Variants in API5 observed in about 807,000 individuals in gnomAD.
API5 encodes FIF.
Under a neutral mutation model 71.9 loss-of-function variants are expected in API5, and 6 were observed. The ratio of observed to expected loss-of-function variants is 0.08; its 90% CI spans 0.05 to 0.16. The LOEUF (loss-of-function observed/expected upper bound fraction) is 0.16. Among genes scored for constraint, API5 ranks in the 10% least tolerant of loss-of-function variants. The pLI is 1.00. For missense variants in API5, 332 were observed against 612.8 expected, an observed-to-expected ratio of 0.54 and a Z score of 4.84; for synonymous variants, 189 against 221.3, an observed-to-expected ratio of 0.85 and a Z score of 1.30.
At chr11:43,329,503 A>G (rs1294729477) in intron 9 of API5, among the ~76,000 whole-genome samples, 1 of 152,222 alleles carries the variant, frequency 6.6e-6, no homozygotes, top group Non-Finnish European at 1.5e-5. Flanking sequence ...TCAGTTGTTA[A>G]GTGATAATAG....
At position 43,330,312 on chromosome 11, in the gene API5, T is replaced by G. The variant is rs940790101; in HGVS notation, c.1222-196T>G. The G allele has an allele frequency of 1.6e-5, 10 of 629,248 alleles. No homozygotes were observed. In the Admixed American group the frequency reaches 2.2e-4, roughly 14 times the overall value. The allele number at this position is 629,248 out of a possible 1,614,324, so 39.0% of individuals were successfully genotyped here. On this transcript the variant is annotated intron_variant, in intron 10 of 13. Coordinates refer to ENST00000531273, the MANE Select transcript of API5 (RefSeq NM_001142930.2). ...TGTCAAGGGAACACAGATTATTTGC[T>G]TTCTTTGCTACATCTAGATTTGTTT...
At chr11:43,318,607 CAT>C (rs758505097) in intron 1 of API5, 31 bp from the exon 2 acceptor site, 8 of 1,605,746 alleles carry the variant, frequency 5.0e-6, no homozygotes, top group Non-Finnish European at 6.0e-6. Context: ...CCTTCAAAAT[CAT>C]GTGTCTTTCC....
At chr11:43,336,805 G>A (rs781529897) in intron 13 of API5, among the ~76,000 whole-genome samples, 5 of 151,610 alleles carry the variant, frequency 3.3e-5, no homozygotes, top group Non-Finnish European at 7.4e-5. Context: ...TCAGGAGGTC[G>A]AGACCATCCT....
intron 1 of API5, among the ~76,000 whole-genome samples, chr11:43,315,460 C>A (rs1236335406): frequency 1.3e-5 from 2 of 151,784 alleles, no homozygotes; most frequent in African/African-American, 4.8e-5. Flanking sequence ...ATTTCTTTTT[C>A]ATAGTTGAAG....
chr11:43,321,543 A>G (rs1427578316), intron 4 of API5, 67 bp downstream of exon 4: 1 of 1,272,620 alleles, frequency 7.9e-7, no homozygotes, highest in Admixed American at 2.0e-5. Flanking sequence ...GGTGTTACTC[A>G]TTAAGAATAA....
chr11:43,316,187 T>C (rs778657871), intron 1 of API5, among the ~76,000 whole-genome samples: 6 of 152,272 alleles, frequency 3.9e-5, no homozygotes, highest in East Asian at 1.9e-4. Context: ...CTCAAAAATA[T>C]GTGGAAATAT....
At chr11:43,324,276 C>A (rs906598215) in intron 6 of API5, among the ~76,000 whole-genome samples, 2 of 152,174 alleles carry the variant, frequency 1.3e-5, no homozygotes, top group Non-Finnish European at 2.9e-5. Context: ...CCTTGGCCTC[C>A]CAAAGTGCTG....
chr11:43,330,022 C>G lies in API5; in HGVS notation c.1185C>G (p.Leu395=), dbSNP rs1434603012. The part of the protein sequence containing the change: ...QVYIRQLRLA[L]QGKTGEALKT... ...ATATCAGACAACTTCGCTTAGCTCT[C>G]CAGGGTAAAACGGGTGAGGCCTTAA... The change falls in exon 10 of 14, where the codon CTC becomes CTG. Residue 395 remains leucine, a synonymous_variant. Transcript: ENST00000531273. 3.7e-6 allele frequency: 6 copies of G among 1,613,764 alleles called. No individual in the cohort carries two copies. The East Asian group carries it at 6.7e-5, about 18-fold the overall frequency.
chr11:43,322,038 G>C lies in API5; in HGVS notation c.445G>C (p.Glu149Gln). The C allele has an allele frequency of 6.2e-7, 1 of 1,613,642 alleles. No individual in the cohort carries two copies. The highest frequency in any genetic ancestry group is 8.5e-7 in the Non-Finnish European group (1 of 1,179,834). The change falls in exon 5 of 14, where the codon GAA becomes CAA. Residue 149 changes from glutamate to glutamine, a missense_variant. Around this residue, in one of 3 missense-constraint regions of API5, gnomAD observed 127 missense variants for 237.6 expected, o/e 0.53. Transcript: ENST00000531273. ...QILQGEDIVR[E>Q]RAIKFLSTKL... ...ACTTCAAGGAGAGGACATTGTTAGA[G>C]AACGAGCAATTAAATTCCTTTCTAC...
chr11:43,323,203 A>G (rs1374074467), intron 5 of API5, among the ~76,000 whole-genome samples: 1 of 152,072 alleles, frequency 6.6e-6, no homozygotes, highest in Non-Finnish European at 1.5e-5. Context: ...CTTTGTACGT[A>G]AAAAAGTAAC....
intron 9 of API5, 81 bp downstream of exon 9, chr11:43,328,974 T>G: frequency 7.0e-7 from 1 of 1,427,652 alleles, no homozygotes; most frequent in Non-Finnish European, 9.7e-7. Flanking sequence ...TTTTGTTCTA[T>G]GAGAGCTCCC....
In API5 at chr11:43,325,901, T is replaced by C. The variant is rs891086840; in HGVS notation, c.751-606T>C. 6.6e-5 allele frequency among the ~76,000 whole-genome samples: 10 copies of C among 152,314 alleles called. No homozygotes were observed. The East Asian group carries it at 9.6e-4, about 15-fold the overall frequency. On this transcript the variant is annotated intron_variant, in intron 6 of 13. Coordinates refer to ENST00000531273, the MANE Select transcript of API5 (RefSeq NM_001142930.2). ...AGGGCTAAAGAATAATGTCTGCTTA[T>C]TATGAGCTTGTTTTGAGAAAGTTGG...
intron 1 of API5, among the ~76,000 whole-genome samples, chr11:43,317,718 C>A (rs1212724022): frequency 6.6e-6 from 1 of 152,190 alleles, no homozygotes; most frequent in Non-Finnish European, 1.5e-5. Context: ...CATTCTGTCA[C>A]CCAATCTGGA....
intron 13 of API5, among the ~76,000 whole-genome samples, chr11:43,338,746 A>C (rs549354286): frequency 6.6e-6 from 1 of 152,194 alleles, no homozygotes; most frequent in South Asian, 2.1e-4. Context: ...CATTAGGTAC[A>C]GCTGAATAGA....
chr11:43,323,434 T>A lies in API5; in HGVS notation c.548T>A (p.Leu183Gln). The change falls in exon 6 of 14, where the codon CTA (leucine) becomes CAA (glutamine). Residue 183 changes from leucine to glutamine, a missense_variant. This residue lies in a region of API5 where 127 missense variants were observed against 237.6 expected (regional missense o/e 0.53). Coordinates refer to ENST00000531273, the MANE Select transcript of API5 (RefSeq NM_001142930.2). ...ELILTESKKV[L>Q]EDVTGEEFVL... ...TCTGAATTGTCTCTTTTCCAGGTCCTAGAAGATGTGACTGGTGAAGAATTT... is the reference window on the plus strand; with the variant it reads ...TCTGAATTGTCTCTTTTCCAGGTCCAAGAAGATGTGACTGGTGAAGAATTT... 1 of 1,613,526 alleles carries A rather than the reference T, an allele frequency of 6.2e-7. No homozygotes were observed. Among genetic ancestry groups the A allele is most frequent in the Non-Finnish European group, 8.5e-7 (1 of 1,179,454 alleles).
Position 43,335,200 on chromosome 11 carries a change from C to G in API5, c.1279-78C>G, listed in dbSNP as rs917381404. The G allele has an allele frequency of 6.1e-6, 6 of 980,196 alleles. No individual in the cohort carries two copies. In the African/African-American group the frequency reaches 9.6e-5, roughly 16 times the overall value. The allele number at this position is 980,196 out of a possible 1,614,324, so 60.7% of individuals were successfully genotyped here. On this transcript the variant is annotated intron_variant, in intron 11 of 13. Coordinates refer to ENST00000531273, the MANE Select transcript of API5 (RefSeq NM_001142930.2). ...CCTAAATTGAATCTTTAAGATCTGTCTTCGTTTCCTACCCTCACCACCACT... is the reference window on the plus strand; with the variant it reads ...CCTAAATTGAATCTTTAAGATCTGTGTTCGTTTCCTACCCTCACCACCACT...
rs1855158926 is a variant in API5, at chr11:43,328,898, T to C, written c.1127+5T>C. 3.1e-6 allele frequency: 5 copies of C among 1,613,838 alleles called. No individual in the cohort carries two copies. The highest frequency in any genetic ancestry group is 3.4e-6 in the Non-Finnish European group (4 of 1,179,840). Reference sequence around the variant, plus strand: ...GCTCAAAGATTTCAAAATCAGGTGATATATGATTGAGGTGGCTCAATCCTT... The same window carrying C: ...GCTCAAAGATTTCAAAATCAGGTGACATATGATTGAGGTGGCTCAATCCTT... On this transcript the variant is annotated splice_donor_5th_base_variant and intron_variant, in intron 9 of 13. Coordinates refer to ENST00000531273, the MANE Select transcript of API5 (RefSeq NM_001142930.2).
At chr11:43,334,233 C>T (rs938715404) in intron 11 of API5, among the ~76,000 whole-genome samples, 1 of 152,130 alleles carries the variant, frequency 6.6e-6, no homozygotes, top group Non-Finnish European at 1.5e-5. Flanking sequence ...CAGGCAGACT[C>T]ATCTAATTTC....
chr11:43,312,039 C>T lies in API5; in HGVS notation c.-89C>T, dbSNP rs936324054. The T allele has an allele frequency of 2.8e-6, 4 of 1,426,204 alleles. No homozygotes were observed. The highest frequency in any genetic ancestry group is 2.4e-5 in the East Asian group (1 of 42,314). The allele number at this position is 1,426,204 out of a possible 1,614,324, so 88.3% of individuals were successfully genotyped here. A position where few individuals can be genotyped will look rare whatever the true frequency, so the allele number is the denominator to read the frequency against. ...GGCGGCAGCTGGAGGTGTAATAGTG[C>T]GGGTAGTGGGTTTGGAGAAGTTCCG... On this transcript the variant is annotated 5_prime_UTR_variant, in exon 1 of 14. Coordinates refer to ENST00000531273, the MANE Select transcript of API5 (RefSeq NM_001142930.2).
Sources: allele counts gnomAD v4.1 joint callset (sites outside exome capture counted in the v4.1 genomes callset), GRCh38; gene constraint gnomAD v4.1.1; regional missense constraint gnomAD v4.1.1; transcripts MANE v1.5; gene names NCBI Gene and HGNC (gene_info 2026-07-23, HGNC 2026-07-21).